Variants in TRERF1 observed in about 807,000 individuals in gnomAD.
TRERF1 encodes the protein transcriptional regulating factor 1.
TRERF1 carries 27 observed loss-of-function variants against 122.9 expected under a neutral mutation model. That is an observed-to-expected ratio of 0.22 (90% CI 0.16 to 0.30). The LOEUF (loss-of-function observed/expected upper bound fraction) is 0.30. Ranked by LOEUF, TRERF1 falls within the 10% of genes least tolerant of loss-of-function variation. The probability of loss-of-function intolerance (pLI) is 1.00; values close to 1 mark genes in which losing one functional copy is unlikely to be tolerated. For synonymous variants in TRERF1, 636 were observed against 641.7 expected (o/e 0.99, Z 0.13); for missense variants, 1,248 against 1,560.3 (o/e 0.80, Z 3.37).
intron 2 of TRERF1, among the ~76,000 whole-genome samples, chr6:42,413,565 G>T (rs1372335599): frequency 6.6e-6 from 1 of 151,848 alleles, no homozygotes; most frequent in Non-Finnish European, 1.5e-5. Flanking sequence ...GAGTAGCTGG[G>T]TCTATAGGTG....
intron 2 of TRERF1, among the ~76,000 whole-genome samples, chr6:42,376,306 T>C (rs1774845487): frequency 6.6e-6 from 1 of 152,200 alleles, no homozygotes; most frequent in African/African-American, 2.4e-5. Flanking sequence ...GGCTAAGTCT[T>C]AGCAGCCACA....
intron 2 of TRERF1, among the ~76,000 whole-genome samples, chr6:42,369,887 T>C (rs1033405555): frequency 3.9e-5 from 6 of 152,012 alleles, no homozygotes; most frequent in Admixed American, 3.9e-4. Context: ...GTCTCCTCCT[T>C]CTCTAACTCC....
chr6:42,321,066 G>T lies in TRERF1; in HGVS notation c.-370-20317C>A, dbSNP rs1001268067. ...GGAATCAGATAGGAGGCTGAAAAGG[G>T]GGGAATTTTATAAAATCTGAAGTCA... On this transcript the variant is annotated intron_variant, in intron 3 of 17. Coordinates refer to ENST00000372922, the Ensembl canonical transcript of TRERF1. Among the ~76,000 whole-genome samples, 3 of 152,042 alleles carry T rather than the reference G, an allele frequency of 2.0e-5. No individual in the cohort carries two copies. The South Asian group carries it at 6.2e-4, about 32-fold the overall frequency.
intron 2 of TRERF1, among the ~76,000 whole-genome samples, chr6:42,403,624 T>C (rs1779736020): frequency 1.3e-5 from 2 of 152,152 alleles, no homozygotes. Context: ...CTTTGAGTCA[T>C]CCGGTATGTA....
intron 3 of TRERF1, among the ~76,000 whole-genome samples, chr6:42,354,811 C>T (rs145603522): frequency 2.0e-5 from 3 of 152,266 alleles, no homozygotes; most frequent in Non-Finnish European, 4.4e-5. Flanking sequence ...ATAGATCTAA[C>T]TCCCTTTCCC....
rs764060832 is a variant in TRERF1 at position 42,259,655 on chromosome 6, C to T, written c.1953G>A (p.Lys651=). Residue 651 remains lysine, a synonymous_variant, in exon 9 of 18, where the codon AAG becomes AAA. Coordinates refer to ENST00000372922, the Ensembl canonical transcript of TRERF1. The surrounding 1 kb of genome is among the most constrained non-coding windows in gnomAD (Gnocchi z 4.9). ...GTTCCGGCCGGTGCCGGAACTTTTT[C>T]TTCTCCTGCACGGTCTTGAGGGGCT... The T allele has an allele frequency of 6.2e-7, 1 of 1,611,996 alleles. No homozygotes were observed. The highest frequency in any genetic ancestry group is 8.5e-7 in the Non-Finnish European group (1 of 1,179,994).
intron 17 of TRERF1, among the ~76,000 whole-genome samples, chr6:42,229,893 T>A (rs1026010361): frequency 6.6e-6 from 1 of 152,222 alleles, no homozygotes; most frequent in Non-Finnish European, 1.5e-5. Flanking sequence ...CACATAGCCA[T>A]GTCTGTTTAT....
At chr6:42,256,071 C>A (rs924376213) in intron 12 of TRERF1, among the ~76,000 whole-genome samples, 1 of 140,660 alleles carries the variant, frequency 7.1e-6, no homozygotes, top group South Asian at 2.3e-4. Flanking sequence ...GCAGAGGTTG[C>A]GGTGAGCCGA....
At chr6:42,355,759 G>C (rs573686038) in intron 3 of TRERF1, among the ~76,000 whole-genome samples, 1 of 152,278 alleles carries the variant, frequency 6.6e-6, no homozygotes, top group South Asian at 2.1e-4. Flanking sequence ...GTAAGATACT[G>C]ATCTCAAATG....
intron 2 of TRERF1, among the ~76,000 whole-genome samples, chr6:42,381,881 G>A (rs1775991200): frequency 6.7e-6 from 1 of 148,852 alleles, no homozygotes; most frequent in African/African-American, 2.5e-5. Context: ...TTGGCAAAGG[G>A]TTTCCACAGG....
chr6:42,230,497 T>A (rs36069827), intron 17 of TRERF1, among the ~76,000 whole-genome samples: 13,618 of 152,120 alleles, frequency 0.09, 642 homozygotes, highest in African/African-American at 0.12. Flanking sequence ...AATGAGTGGG[T>A]GGTGCTAGCT....
intron 2 of TRERF1, among the ~76,000 whole-genome samples, 175 bp downstream of exon 2, chr6:42,451,002 G>GAGGGAAGA (rs1387038278): frequency 6.6e-6 from 1 of 152,084 alleles, no homozygotes; most frequent in East Asian, 1.9e-4. Flanking sequence ...GCAGCCCGGA[G>GAGGGAAGA]AGGGAAGAAG....
chr6:42,332,930 C>G lies in TRERF1; in HGVS notation c.-371+30067G>C, dbSNP rs144301717. Among the ~76,000 whole-genome samples, 415 of 152,258 alleles carry G rather than the reference C, an allele frequency of 2.7e-3. 2 individuals are homozygous for G. The highest frequency in any genetic ancestry group is 9.8e-3 in the African/African-American group (405 of 41,534). On this transcript the variant is annotated intron_variant, in intron 3 of 17. Coordinates refer to ENST00000372922, the Ensembl canonical transcript of TRERF1. ...GAGGAAAGGAGAGGAAACTGGCCTACTTTTATGGGTCATTTTCCCAAAAAA... is the reference window on the plus strand; with the variant it reads ...GAGGAAAGGAGAGGAAACTGGCCTAGTTTTATGGGTCATTTTCCCAAAAAA...
chr6:42,434,591 C>A (rs542134048), intron 2 of TRERF1, among the ~76,000 whole-genome samples: 7 of 149,956 alleles, frequency 4.7e-5, no homozygotes, highest in African/African-American at 1.7e-4. Context: ...AAAAATCTCC[C>A]AAATATGAAG....
chr6:42,365,272 C>T (rs937706781), intron 2 of TRERF1, among the ~76,000 whole-genome samples: 7 of 152,144 alleles, frequency 4.6e-5, no homozygotes, highest in African/African-American at 1.4e-4. Context: ...GCCAGTATCC[C>T]AGAGGGCCCT....
chr6:42,329,295 TG>T (rs1364941250), intron 3 of TRERF1, among the ~76,000 whole-genome samples: 3 of 151,960 alleles, frequency 2.0e-5, no homozygotes, highest in Non-Finnish European at 4.4e-5. Flanking sequence ...GTGGCCAGGG[TG>T]GGGTGGGGGC....
At chr6:42,236,435 A>G (rs764564021) in intron 15 of TRERF1, 24 bp from the exon 16 acceptor site, 1 of 1,547,708 alleles carries the variant, frequency 6.5e-7, no homozygotes, top group South Asian at 1.2e-5. Context: ...AATAAAAGCA[A>G]GAGGGGAAAA....
chr6:42,336,489 CT>C (rs1766208676), intron 3 of TRERF1, among the ~76,000 whole-genome samples: 1 of 152,140 alleles, frequency 6.6e-6, no homozygotes, highest in South Asian at 2.1e-4. Flanking sequence ...GGAGGTATGT[CT>C]TCTGCAGACT....
At chr6:42,433,612 A>C (rs1345450610) in intron 2 of TRERF1, among the ~76,000 whole-genome samples, 1 of 152,186 alleles carries the variant, frequency 6.6e-6, no homozygotes, top group African/African-American at 2.4e-5. Flanking sequence ...CCCAGCACTC[A>C]AACAACAATC....
Sources: allele counts gnomAD v4.1 joint callset (sites outside exome capture counted in the v4.1 genomes callset), GRCh38; gene constraint gnomAD v4.1.1; non-coding constraint Gnocchi (gnomAD v3.1); transcripts MANE v1.5; gene names NCBI Gene and HGNC (gene_info 2026-07-23, HGNC 2026-07-21).